SRPK1: variants seen among roughly 807,000 people sequenced by gnomAD.
SRPK1 encodes the protein SFRS protein kinase 1.
In SRPK1, 52 loss-of-function variants were observed where a neutral mutation model predicts 89.5. The observed-to-expected ratio is 0.58, with a 90% CI of 0.46 to 0.73. The LOEUF is 0.73. Among genes scored for constraint, SRPK1 ranks in the 30% least tolerant of loss-of-function variants. The pLI is 0.00. For missense variants in SRPK1, 603 were observed against 780.6 expected, an observed-to-expected ratio of 0.77 and a Z score of 2.71; for synonymous variants, 255 against 270.2, an observed-to-expected ratio of 0.94 and a Z score of 0.55.
intron 12 of SRPK1, among the ~76,000 whole-genome samples, chr6:35,866,637 TA>T (rs1351494271): frequency 1.3e-5 from 2 of 151,954 alleles, no homozygotes; most frequent in East Asian, 3.9e-4. Flanking sequence ...CTCAAAGAAC[TA>T]AAAATAAAAC....
Position 35,921,080 on chromosome 6 carries a change from G to A in SRPK1, c.-24C>T. 42 of 1,505,224 alleles carry A rather than the reference G, an allele frequency of 2.8e-5. No homozygotes were observed. Among genetic ancestry groups the A allele is most frequent in the Non-Finnish European group, 3.7e-5 (42 of 1,125,202 alleles). The allele number at this position is 1,505,224 out of a possible 1,614,324, so 93.2% of individuals were successfully genotyped here. On this transcript the variant is annotated 5_prime_UTR_variant, in exon 1 of 16. Coordinates refer to ENST00000373825, the MANE Select transcript of SRPK1 (RefSeq NM_003137.5). ...ATGGTGAGACCGGTAATCGCCAGGC[G>A]CCTGCGCACTCGAGTGGCGGCGACT...
At chr6:35,838,267 G>T in intron 15 of SRPK1, 70 bp downstream of exon 15, 2 of 1,038,472 alleles carry the variant, frequency 1.9e-6, no homozygotes, top group South Asian at 1.8e-5. Context: ...AGGACATTGG[G>T]AATATGTGCT....
chr6:35,853,119 A>G (rs1457540452), intron 13 of SRPK1, among the ~76,000 whole-genome samples: 2 of 152,058 alleles, frequency 1.3e-5, no homozygotes, highest in Non-Finnish European at 2.9e-5. Context: ...ACATGCCTAT[A>G]GTCCTAGGCA....
intron 4 of SRPK1, 25 bp downstream of exon 4, chr6:35,888,790 C>A: frequency 1.4e-6 from 2 of 1,450,978 alleles, no homozygotes; most frequent in Non-Finnish European, 1.9e-6. Flanking sequence ...CTAACTAATT[C>A]TTTTACAGAA....
intron 2 of SRPK1, among the ~76,000 whole-genome samples, chr6:35,910,936 C>T (rs74896584): frequency 0.06 from 9,168 of 152,226 alleles, 462 homozygotes; most frequent in East Asian, 0.28. Context: ...AATATTACTG[C>T]TCATTTGCAA....
intron 2 of SRPK1, among the ~76,000 whole-genome samples, chr6:35,897,168 C>T (rs1429085238): frequency 6.6e-6 from 1 of 152,084 alleles, no homozygotes; most frequent in African/African-American, 2.4e-5. Context: ...TATGTTAAAA[C>T]AATGGAAGTG....
At chr6:35,890,528 A>G (rs1770497131) in intron 3 of SRPK1, among the ~76,000 whole-genome samples, 1 of 152,252 alleles carries the variant, frequency 6.6e-6, no homozygotes, top group Admixed American at 6.5e-5. Flanking sequence ...AGCCATCACT[A>G]TGAGAAAAAA....
chr6:35,916,225 C>CAAAT (rs34486563), intron 2 of SRPK1, among the ~76,000 whole-genome samples: 12,896 of 143,064 alleles, frequency 0.09, 1,332 homozygotes, highest in African/African-American at 0.26. Flanking sequence ...GACTCTGCCT[C>CAAAT]AAATAAATAA....
intron 6 of SRPK1, among the ~76,000 whole-genome samples, chr6:35,876,085 T>TAAAAAAAAAAAAA (rs34493292): frequency 1.3e-5 from 1 of 77,648 alleles, no homozygotes; most frequent in Non-Finnish European, 2.4e-5. Flanking sequence ...ATTCTTAAAT[T>TAAAAAAAAAAAAA]AAAAAAAAAA....
chr6:35,866,208 A>T (rs1769899399), intron 12 of SRPK1, among the ~76,000 whole-genome samples: 1 of 152,142 alleles, frequency 6.6e-6, no homozygotes, highest in Non-Finnish European at 1.5e-5. Flanking sequence ...TACAAAAAAT[A>T]ATAACATGTT....
chr6:35,920,898 G>C, intron 1 of SRPK1, 146 bp downstream of exon 1: 1 of 831,104 alleles, frequency 1.2e-6, no homozygotes. Context: ...CCCAGAGGCA[G>C]GGGGTGTGGG....
chr6:35,853,475 A>AG (rs1043344655), intron 13 of SRPK1, among the ~76,000 whole-genome samples: 1 of 152,180 alleles, frequency 6.6e-6, no homozygotes, highest in Non-Finnish European at 1.5e-5. Context: ...TGGTATCTGC[A>AG]GGGGGTCTTA....
intron 13 of SRPK1, among the ~76,000 whole-genome samples, chr6:35,842,970 C>CTTT (rs534065184): frequency 7.3e-6 from 1 of 136,396 alleles, no homozygotes; most frequent in Admixed American, 7.3e-5. Context: ...AAGAACAGGT[C>CTTT]TTTTTTTTTT....
At chr6:35,901,775 A>G (rs1198762783) in intron 2 of SRPK1, among the ~76,000 whole-genome samples, 1 of 151,996 alleles carries the variant, frequency 6.6e-6, no homozygotes, top group African/African-American at 2.4e-5. Flanking sequence ...TTTTCCATAT[A>G]TATTTTTCCT....
intron 15 of SRPK1, 29 bp from the exon 16 acceptor site, chr6:35,835,517 A>G (rs767565633): frequency 1.3e-6 from 2 of 1,574,654 alleles, no homozygotes; most frequent in Non-Finnish European, 1.7e-6. Context: ...AGAAAAAGCC[A>G]CTGATCAACA....
At chr6:35,838,625 G>T (rs1769235946) in intron 14 of SRPK1, 196 bp from the exon 15 acceptor site, 2 of 1,548,502 alleles carry the variant, frequency 1.3e-6, no homozygotes, top group South Asian at 2.3e-5. Flanking sequence ...AATTTTTGTG[G>T]ATTCAGTGAT....
intron 6 of SRPK1, among the ~76,000 whole-genome samples, chr6:35,878,878 G>A (rs911357346): frequency 6.6e-6 from 1 of 151,950 alleles, no homozygotes; most frequent in Non-Finnish European, 1.5e-5. Flanking sequence ...ATCACTTGAG[G>A]CCAGGAGTTC....
intron 2 of SRPK1, among the ~76,000 whole-genome samples, chr6:35,901,552 C>A (rs1025040603): frequency 6.6e-6 from 1 of 152,314 alleles, no homozygotes; most frequent in Admixed American, 6.5e-5. Flanking sequence ...TACTTTGTTA[C>A]AGAAGACTGA....
rs1255085800 is a variant in SRPK1 at position 35,835,518 on chromosome 6, C to G, written c.1784-30G>C. ...AGTGAAGACAGTACAGAAAAAGCCACTGATCAACACAGACAAATGACAAGG... is the reference window on the plus strand; with the variant it reads ...AGTGAAGACAGTACAGAAAAAGCCAGTGATCAACACAGACAAATGACAAGG... On this transcript the variant is annotated intron_variant, in intron 15 of 15. Coordinates refer to ENST00000373825, the MANE Select transcript of SRPK1 (RefSeq NM_003137.5). 1.9e-6 allele frequency: 3 copies of G among 1,574,846 alleles called. No individual in the cohort carries two copies. The African/African-American group carries it at 4.1e-5, about 21-fold the overall frequency.
Sources: gnomAD v4.1 joint callset for allele counts (sites outside exome capture counted in the v4.1 genomes callset) on GRCh38, gnomAD v4.1.1 for gene constraint, MANE v1.5 for transcripts, NCBI Gene and HGNC (gene_info 2026-07-23, HGNC 2026-07-21) for gene names.